RALGAPA1: variants seen among roughly 807,000 people sequenced by gnomAD.
RALGAPA1 encodes ral GTPase-activating protein subunit alpha-1.
Under a neutral mutation model 269.6 loss-of-function variants are expected in RALGAPA1, and 52 were observed. That is an observed-to-expected ratio of 0.19 (90% confidence interval 0.15 to 0.24). The LOEUF is 0.24. Among genes scored for constraint, RALGAPA1 ranks in the 10% least tolerant of loss-of-function variants. RALGAPA1 has a pLI of 1.00. For missense variants in RALGAPA1, 1,917 were observed against 3,013.9 expected (o/e 0.64, Z 8.52); for synonymous variants, 817 against 1,008.3 (o/e 0.81, Z 3.60).
At chr14:35,730,715 A>G (rs1315130202) in intron 12 of RALGAPA1, among the ~76,000 whole-genome samples, 1 of 152,160 alleles carries the variant, frequency 6.6e-6, no homozygotes, top group South Asian at 2.1e-4. Flanking sequence ...CATCCCTCAC[A>G]GCAGCTGTAG....
intron 1 of RALGAPA1, among the ~76,000 whole-genome samples, chr14:35,790,990 G>C (rs906678566): frequency 1.3e-5 from 2 of 152,136 alleles, no homozygotes; most frequent in African/African-American, 4.8e-5. Context: ...GCAGTCTTAA[G>C]ATGATAAACC....
At chr14:35,576,207 A>C (rs2057550490) in intron 37 of RALGAPA1, among the ~76,000 whole-genome samples, 2 of 152,214 alleles carry the variant, frequency 1.3e-5, no homozygotes, top group Non-Finnish European at 2.9e-5. Context: ...GCTCTGGATA[A>C]TACAGCAAAC....
chr14:35,580,348 C>T (rs2057876035), intron 37 of RALGAPA1, among the ~76,000 whole-genome samples: 1 of 152,178 alleles, frequency 6.6e-6, no homozygotes, highest in Admixed American at 6.5e-5. Flanking sequence ...TATACCAATG[C>T]TTGCAGCACT....
intron 36 of RALGAPA1, among the ~76,000 whole-genome samples, chr14:35,598,276 C>A (rs1273729810): frequency 2.0e-5 from 3 of 152,014 alleles, no homozygotes; most frequent in African/African-American, 7.3e-5. Context: ...TCCTTCTGGT[C>A]TCCAGTAATT....
intron 35 of RALGAPA1, among the ~76,000 whole-genome samples, chr14:35,625,123 C>A (rs2060909085): frequency 7.3e-6 from 1 of 136,968 alleles, no homozygotes; most frequent in African/African-American, 2.9e-5. Context: ...TGCACTCAAG[C>A]CTGGGTGACA....
rs558431637 is a variant in RALGAPA1, at chr14:35,733,331, G to T, written c.1588-4821C>A. On this transcript the variant is annotated intron_variant, in intron 12 of 41. Coordinates refer to ENST00000680220, the MANE Select transcript of RALGAPA1 (RefSeq NM_001346249.2). ...CGTCTCTACTAAAAATACAAAATTAGCCAGGCATGGTGGTGCATGCCTGTA... is the reference window on the plus strand; with the variant it reads ...CGTCTCTACTAAAAATACAAAATTATCCAGGCATGGTGGTGCATGCCTGTA... Among the ~76,000 whole-genome samples the T allele has an allele frequency of 2.6e-5, 4 of 152,144 alleles. No homozygotes were observed. In the South Asian group the frequency reaches 6.2e-4, roughly 24 times the overall value.
chr14:35,740,937 T>C (rs2071491140), intron 11 of RALGAPA1, among the ~76,000 whole-genome samples: 5 of 152,234 alleles, frequency 3.3e-5, no homozygotes, highest in Admixed American at 3.3e-4. Flanking sequence ...TTATCAGAAA[T>C]GTAAACCAGA....
intron 35 of RALGAPA1, among the ~76,000 whole-genome samples, chr14:35,610,377 G>T (rs79669481): frequency 6.6e-6 from 1 of 151,368 alleles, no homozygotes; most frequent in African/African-American, 2.4e-5. Context: ...CCGCCTCCCG[G>T]GTTCACACCA....
chr14:35,560,823 T>C (rs1020724713), intron 39 of RALGAPA1, among the ~76,000 whole-genome samples: 1 of 152,214 alleles, frequency 6.6e-6, no homozygotes, highest in African/African-American at 2.4e-5. Flanking sequence ...AAACTTTCTT[T>C]ACTATTATCA....
intron 1 of RALGAPA1, among the ~76,000 whole-genome samples, chr14:35,792,006 TG>T (rs779676786): frequency 1.2e-4 from 18 of 152,154 alleles, no homozygotes; most frequent in South Asian, 1.0e-3. Context: ...TACACTGCTT[TG>T]TTTTTTTATA....
chr14:35,782,242 A>G (rs964946709), intron 1 of RALGAPA1, among the ~76,000 whole-genome samples: 3 of 152,222 alleles, frequency 2.0e-5, no homozygotes, highest in South Asian at 2.1e-4. Context: ...TTGAAATAGA[A>G]TAAAATACTT....
Position 35,724,432 on chromosome 14 carries a change from TTC to T in RALGAPA1, c.1866+590_1866+591del, listed in dbSNP as rs569480339. Among the ~76,000 whole-genome samples, 412 of 152,280 alleles carry T rather than the reference TTC, an allele frequency of 2.7e-3. 2 individuals carry two copies. Among genetic ancestry groups the T allele is most frequent in the African/African-American group, 9.7e-3 (402 of 41,582 alleles). ...TATCATCTTAAAAAAATTTTTTGTT[TTC>T]TTTTTTTCAAAGAATCCATAATACA... On this transcript the variant is annotated intron_variant, in intron 14 of 41. Coordinates refer to ENST00000680220, the MANE Select transcript of RALGAPA1 (RefSeq NM_001346249.2).
At chr14:35,714,919 C>T (rs560543791) in intron 16 of RALGAPA1, among the ~76,000 whole-genome samples, 3 of 152,282 alleles carry the variant, frequency 2.0e-5, no homozygotes, top group Middle Eastern at 3.4e-3. Flanking sequence ...TCATGCTGTT[C>T]AGTCTTCCAT....
At chr14:35,585,009 A>G (rs139028517) in intron 37 of RALGAPA1, among the ~76,000 whole-genome samples, 15 of 152,338 alleles carry the variant, frequency 9.8e-5, no homozygotes, top group African/African-American at 3.6e-4. Context: ...ACACTAATCA[A>G]AAGAAAGCAG....
intron 36 of RALGAPA1, among the ~76,000 whole-genome samples, chr14:35,604,103 T>G (rs2059442931): frequency 6.6e-6 from 1 of 152,136 alleles, no homozygotes; most frequent in Non-Finnish European, 1.5e-5. Flanking sequence ...AAATTATATG[T>G]TCCACATAAA....
intron 1 of RALGAPA1, among the ~76,000 whole-genome samples, chr14:35,796,041 C>A (rs182687996): frequency 1.7e-4 from 26 of 152,036 alleles, no homozygotes; most frequent in Admixed American, 1.4e-3. Flanking sequence ...AGTTACCAGG[C>A]ACACAAAGAA....
rs1567036605 is a variant in RALGAPA1, at chr14:35,700,251, C to T, written c.2318G>A (p.Arg773His). Residue 773 changes from arginine (R) to histidine (H), a missense_variant, in exon 17 of 42, where the codon CGC (arginine) becomes CAC (histidine). Around this residue, in one of 11 missense-constraint regions of RALGAPA1, gnomAD observed 125 missense variants for 155.7 expected, o/e 0.80. Coordinates refer to ENST00000680220, the MANE Select transcript of RALGAPA1 (RefSeq NM_001346249.2). ...CAGAACAGGAGCACTTTTAGCACTG[C>T]GTATATAGGCCGATGGCAGAGCACA... ...GECALPSAYI[R>H]SAKSAPVLIH... 5 of 1,534,588 alleles carry T rather than the reference C, an allele frequency of 3.3e-6. No homozygotes were observed. Among genetic ancestry groups the T allele is most frequent in the South Asian group, 2.4e-5 (2 of 83,808 alleles).
intron 37 of RALGAPA1, among the ~76,000 whole-genome samples, chr14:35,577,360 C>T (rs72642577): frequency 0.087 from 13,233 of 151,878 alleles, 841 homozygotes; most frequent in East Asian, 0.31. Context: ...TTATGTTATG[C>T]GGGCTCCTTT....
chr14:35,756,106 G>A (rs975548855), intron 7 of RALGAPA1, among the ~76,000 whole-genome samples: 1 of 152,142 alleles, frequency 6.6e-6, no homozygotes, highest in Non-Finnish European at 1.5e-5. Flanking sequence ...ACAATTTTCA[G>A]CTTTTCATTT....
Sources: gnomAD v4.1 joint callset for allele counts (sites outside exome capture counted in the v4.1 genomes callset) on GRCh38, gnomAD v4.1.1 for gene constraint, gnomAD v4.1.1 regional missense constraint, MANE v1.5 for transcripts, NCBI Gene and HGNC (gene_info 2026-07-23, HGNC 2026-07-21) for gene names.